The following SCHIP1 variants were observed in gnomAD, a reference collection of about 807,000 sequenced individuals.
SCHIP1 encodes schwannomin-interacting protein 1.
Under a neutral mutation model 29.7 loss-of-function variants are expected in SCHIP1, and 8 were observed. The observed-to-expected ratio is 0.27, with a 90% CI of 0.16 to 0.49. The LOEUF is 0.49. Among genes scored for constraint, SCHIP1 ranks in the 20% least tolerant of loss-of-function variants. SCHIP1 has a pLI of 0.99. For synonymous variants in SCHIP1, 76 were observed against 94.9 expected, an observed-to-expected ratio of 0.80 and a Z score of 1.16; for missense variants, 193 against 294.6, an observed-to-expected ratio of 0.66 and a Z score of 2.52.
the SCHIP1 span, among the ~76,000 whole-genome samples, chr3:159,654,430 C>T: frequency 6.6e-6 from 1 of 152,130 alleles, no homozygotes; most frequent in Non-Finnish European, 1.5e-5. Flanking sequence ...AATTATGTGG[C>T]TGGCCTAGAT....
chr3:159,891,660 G>C (rs1246674610), intron 5 of SCHIP1, among the ~76,000 whole-genome samples: 1 of 152,172 alleles, frequency 6.6e-6, no homozygotes, highest in African/African-American at 2.4e-5. Flanking sequence ...GAGCATCCCT[G>C]ACATACCTTC....
chr3:159,587,248 T>C, the SCHIP1 span, among the ~76,000 whole-genome samples: 2 of 152,194 alleles, frequency 1.3e-5, no homozygotes, highest in Non-Finnish European at 2.9e-5. Context: ...AGCAAGACTT[T>C]TGAATTATGT....
chr3:159,822,974 C>T, the SCHIP1 span, among the ~76,000 whole-genome samples: 2 of 151,932 alleles, frequency 1.3e-5, no homozygotes, highest in Non-Finnish European at 2.9e-5. Context: ...GCAGTGCCTT[C>T]AGGCTCTGTT....
chr3:159,639,456 A>C, the SCHIP1 span, among the ~76,000 whole-genome samples: 1 of 152,012 alleles, frequency 6.6e-6, no homozygotes, highest in African/African-American at 2.4e-5. Context: ...TAATTACTCA[A>C]TTCATTTACT....
At chr3:159,645,623 G>T in the SCHIP1 span, among the ~76,000 whole-genome samples, 16 of 152,124 alleles carry the variant, frequency 1.1e-4, no homozygotes, top group Non-Finnish European at 2.4e-4. Context: ...AGAATGGATT[G>T]TGCAGGGTAT....
the SCHIP1 span, among the ~76,000 whole-genome samples, chr3:159,628,878 A>G: frequency 1.3e-5 from 2 of 152,272 alleles, no homozygotes; most frequent in East Asian, 3.9e-4. Flanking sequence ...AAAATTTACT[A>G]AAAATACAAC....
chr3:159,839,310 A>G (rs1014885556), upstream of SCHIP1, among the ~76,000 whole-genome samples: 1 of 151,878 alleles, frequency 6.6e-6, no homozygotes, highest in African/African-American at 2.4e-5. Flanking sequence ...AAACCTTCCA[A>G]TTAAGAGTTT....
At chr3:159,522,411 G>A in the SCHIP1 span, among the ~76,000 whole-genome samples, 39 of 152,308 alleles carry the variant, frequency 2.6e-4, no homozygotes, top group African/African-American at 8.9e-4. Context: ...TACATGACAA[G>A]TAAGAAAGAG....
the SCHIP1 span, among the ~76,000 whole-genome samples, chr3:159,753,578 A>G: frequency 2.2e-4 from 34 of 152,238 alleles, no homozygotes; most frequent in Admixed American, 9.2e-4. Flanking sequence ...CCCAATCTTC[A>G]TTGAATCTAC....
intron 1 of SCHIP1, among the ~76,000 whole-genome samples, chr3:159,864,121 G>T (rs1404440068): frequency 1.3e-5 from 2 of 152,126 alleles, no homozygotes; most frequent in Non-Finnish European, 2.9e-5. Flanking sequence ...TTGAGAAAAA[G>T]GTTCACTGAC....
At chr3:159,328,179 C>G in the SCHIP1 span, among the ~76,000 whole-genome samples, 1 of 152,176 alleles carries the variant, frequency 6.6e-6, no homozygotes, top group Non-Finnish European at 1.5e-5. Flanking sequence ...CTCTATTTCT[C>G]AAGTTCTCAA....
At chr3:159,455,694 A>G in the SCHIP1 span, among the ~76,000 whole-genome samples, 1 of 152,198 alleles carries the variant, frequency 6.6e-6, no homozygotes. Context: ...CAAGGTTCTT[A>G]TTTCACATTC....
the SCHIP1 span, among the ~76,000 whole-genome samples, chr3:159,575,612 C>G: frequency 6.6e-6 from 1 of 151,940 alleles, no homozygotes; most frequent in Non-Finnish European, 1.5e-5. Context: ...ATTTTTTAAA[C>G]TTTTTGTACA....
chr3:159,296,488 C>T, the SCHIP1 span, among the ~76,000 whole-genome samples: 1 of 152,126 alleles, frequency 6.6e-6, no homozygotes, highest in Admixed American at 6.6e-5. Context: ...AATCTGCTCT[C>T]TCAGGCTGGG....
chr3:159,444,397 C>T, the SCHIP1 span, among the ~76,000 whole-genome samples: 1 of 152,054 alleles, frequency 6.6e-6, no homozygotes. Context: ...ACACAAGAAC[C>T]ATCTGCAGGC....
the SCHIP1 span, among the ~76,000 whole-genome samples, chr3:159,340,792 G>A: frequency 1.3e-5 from 2 of 152,132 alleles, no homozygotes; most frequent in African/African-American, 2.4e-5. Flanking sequence ...ATTTGGGGGG[G>A]CGCAGAGAAT....
the SCHIP1 span, among the ~76,000 whole-genome samples, chr3:159,791,336 C>G: frequency 6.6e-6 from 1 of 152,176 alleles, no homozygotes; most frequent in East Asian, 1.9e-4. Flanking sequence ...AATGTGGAAA[C>G]CAAGGTAACA....
chr3:159,447,926 T>A, the SCHIP1 span, among the ~76,000 whole-genome samples: 1 of 152,172 alleles, frequency 6.6e-6, no homozygotes, highest in Admixed American at 6.5e-5. Context: ...TACCCGTCCC[T>A]TAAGGGATGC....
the SCHIP1 span, among the ~76,000 whole-genome samples, chr3:159,468,307 G>A: frequency 6.6e-6 from 1 of 152,176 alleles, no homozygotes; most frequent in East Asian, 1.9e-4. Flanking sequence ...AGATAATAAT[G>A]TCGTATGTGT....
Sources: gnomAD v4.1 joint callset for allele counts (sites outside exome capture counted in the v4.1 genomes callset) on GRCh38, gnomAD v4.1.1 for gene constraint, MANE v1.5 for transcripts, NCBI Gene and HGNC (gene_info 2026-07-23, HGNC 2026-07-21) for gene names.